Variants in CXorf58 observed in about 807,000 individuals in gnomAD.
CXorf58 encodes uncharacterized protein CXorf58.
A neutral mutation model predicts 26.0 loss-of-function variants in CXorf58; 24 were observed. That is an observed-to-expected ratio of 0.92 (90% CI 0.67 to 1.30). The LOEUF (loss-of-function observed/expected upper bound fraction) is 1.30. Among genes scored for constraint, CXorf58 ranks in the 50% most tolerant of loss-of-function variants. The probability of loss-of-function intolerance (pLI) is 0.00; values close to 1 mark genes in which losing one functional copy is unlikely to be tolerated. For synonymous variants in CXorf58, 87 were observed against 86.1 expected, an observed-to-expected ratio of 1.01 and a Z score of -0.06; for missense variants, 236 against 263.9, an observed-to-expected ratio of 0.89 and a Z score of 0.73.
chrX:23,939,259 C>T lies in CXorf58; in HGVS notation c.955C>T (p.Pro319Ser). ...TSEVTEPKTGPSGTKDNYHLH... is the reference protein window; with the variant it reads ...TSEVTEPKTGSSGTKDNYHLH... ...TTCTGCCTAGGAACCAAAAACGGGC[C>T]CATCAGGTACAAAGGATAACTATCA... is the stretch of plus-strand genomic sequence containing the variant. The change falls in exon 9 of 9, where the codon CCA (proline) becomes TCA (serine). Residue 319 changes from proline to serine, a missense_variant. Transcript: ENST00000379211. 2 of 1,193,701 alleles carry T rather than the reference C, an allele frequency of 1.7e-6. No homozygotes were observed. The highest frequency in any genetic ancestry group is 2.3e-6 in the Non-Finnish European group (2 of 883,748).
chrX:23,936,844 T>C (rs1178761748), intron 7 of CXorf58, among the ~76,000 whole-genome samples: 1 of 111,704 alleles, frequency 9.0e-6, no homozygotes, highest in Non-Finnish European at 1.9e-5. Flanking sequence ...ATGAAATAGA[T>C]TTTCTCTAAC....
Position 23,915,770 on chromosome X carries a change from C to A in CXorf58, c.287C>A (p.Thr96Asn). 2 of 1,168,393 alleles carry A rather than the reference C, an allele frequency of 1.7e-6. No homozygotes were observed. Among genetic ancestry groups the A allele is most frequent in the Non-Finnish European group, 2.3e-6 (2 of 857,548 alleles). Residue 96 changes from threonine (T) to asparagine (N), a missense_variant, in exon 4 of 9, where the codon ACT becomes AAT. Physicochemically the swap from Thr to Asn is moderately conservative, Grantham distance 65. Coordinates refer to ENST00000379211, the MANE Select transcript of CXorf58 (RefSeq NM_152761.3). ...PLEAKLIKDPTMQCKIRFRFR... is the reference protein window; with the variant it reads ...PLEAKLIKDPNMQCKIRFRFR... ...GAGGCTAAGCTTATTAAGGATCCTA[C>A]TATGCAGTGTAAAATTAGATTCAGG...
intron 8 of CXorf58, 30 bp from the exon 9 acceptor site, chrX:23,939,214 C>T: frequency 2.8e-6 from 3 of 1,070,066 alleles, no homozygotes; most frequent in Non-Finnish European, 3.9e-6. Flanking sequence ...ATATATAACA[C>T]TTCCTACTTT....
At chrX:23,929,371 A>T (rs189748046) in intron 6 of CXorf58, among the ~76,000 whole-genome samples, 1 of 101,180 alleles carries the variant, frequency 9.9e-6, no homozygotes, top group African/African-American at 3.8e-5. Context: ...GCGCCACTGC[A>T]CTCCAGTCTG....
rs867834790 is a variant in CXorf58, at chrX:23,938,381, G to A, written c.786-166G>A. 2.2e-4 allele frequency among the ~76,000 whole-genome samples: 25 copies of A among 111,678 alleles called. No homozygotes were observed. In the Middle Eastern group the frequency reaches 0.014, roughly 62 times the overall value. On this transcript the variant is annotated intron_variant, in intron 7 of 8. Coordinates refer to ENST00000379211, the MANE Select transcript of CXorf58 (RefSeq NM_152761.3). ...AAAGAACTGTGCTATGTAAACTCAA[G>A]CAGAAATGATAACTTTAACCTAAAA...
At position 23,920,747 on chromosome X, in the gene CXorf58, C is replaced by T. The variant is rs139055071; in HGVS notation, c.423+4419C>T. Among the ~76,000 whole-genome samples the T allele has an allele frequency of 9.5e-4, 104 of 109,227 alleles. 1 individual carries two copies. In the East Asian group the frequency reaches 0.026, roughly 27 times the overall value. The allele number at this position is 109,227 out of a possible 115,157, so 94.9% of individuals were successfully genotyped here. On this transcript the variant is annotated intron_variant, in intron 5 of 8. Transcript: ENST00000379211. ...TTTCTACCTAAAATACAAAATTAGCCGGGTGTGGTGGTGGGCGCCTGTAAT... is the reference window on the plus strand; with the variant it reads ...TTTCTACCTAAAATACAAAATTAGCTGGGTGTGGTGGTGGGCGCCTGTAAT...
intron 6 of CXorf58, among the ~76,000 whole-genome samples, chrX:23,928,211 G>A (rs998356942): frequency 1.7e-4 from 18 of 108,478 alleles, no homozygotes; most frequent in Non-Finnish European, 2.7e-4. Context: ...ACAGAGTTTC[G>A]TTCTTGTCGC....
chrX:23,927,663 G>C (rs1171802524), intron 6 of CXorf58, among the ~76,000 whole-genome samples: 5 of 110,171 alleles, frequency 4.5e-5, no homozygotes, highest in Non-Finnish European at 9.5e-5. Flanking sequence ...TCGTGTCAAG[G>C]GGGTTTGTTG....
chrX:23,910,215 T>C, intron 1 of CXorf58, 68 bp from the exon 2 acceptor site: 1 of 498,779 alleles, frequency 2.0e-6, no homozygotes, highest in Non-Finnish European at 3.3e-6. Context: ...CATATGGCAC[T>C]TGAGTCTTGT....
intron 5 of CXorf58, among the ~76,000 whole-genome samples, chrX:23,926,476 T>C (rs1388395152): frequency 8.9e-6 from 1 of 111,815 alleles, no homozygotes; most frequent in Non-Finnish European, 1.9e-5. Context: ...CATACATGTT[T>C]CCACTTACCA....
chrX:23,930,693 C>T (rs1434541917), intron 6 of CXorf58, among the ~76,000 whole-genome samples: 1 of 110,638 alleles, frequency 9.0e-6, no homozygotes, highest in African/African-American at 3.3e-5. Flanking sequence ...GTAAGACTCT[C>T]TACCAGCAAA....
At chrX:23,928,210 C>T (rs1928066221) in intron 6 of CXorf58, among the ~76,000 whole-genome samples, 1 of 108,541 alleles carries the variant, frequency 9.2e-6, no homozygotes, top group African/African-American at 3.4e-5. Flanking sequence ...GACAGAGTTT[C>T]GTTCTTGTCG....
At chrX:23,925,015 A>G (rs1156898323) in intron 5 of CXorf58, among the ~76,000 whole-genome samples, 9 of 111,612 alleles carry the variant, frequency 8.1e-5, no homozygotes, top group Non-Finnish European at 1.9e-5. Flanking sequence ...CTGGAAAAAA[A>G]AGAAGAAATT....
At chrX:23,911,952 TC>T (rs374366516) in intron 3 of CXorf58, 96 bp downstream of exon 3, 5 of 526,960 alleles carry the variant, frequency 9.5e-6, no homozygotes, top group Admixed American at 3.7e-5. Context: ...CTTTATCTCC[TC>T]TTTTTTTTTT....
intron 3 of CXorf58, among the ~76,000 whole-genome samples, chrX:23,914,774 A>C (rs970203804): frequency 2.7e-5 from 3 of 110,557 alleles, no homozygotes; most frequent in African/African-American, 9.9e-5. Flanking sequence ...AATTCCAGCT[A>C]CTCAGGAGGC....
At chrX:23,911,624 A>AT (rs1927581208) in intron 2 of CXorf58, 133 bp from the exon 3 acceptor site, 1 of 394,227 alleles carries the variant, frequency 2.5e-6, no homozygotes, top group African/African-American at 2.7e-5. Flanking sequence ...CCACATCCAA[A>AT]TGTTCCTCAT....
intron 3 of CXorf58, among the ~76,000 whole-genome samples, chrX:23,913,226 G>A (rs1927629836): frequency 9.0e-6 from 1 of 110,625 alleles, no homozygotes; most frequent in Non-Finnish European, 1.9e-5. Flanking sequence ...TGTTGCCCAG[G>A]CTGGAGTGCA....
chrX:23,914,646 G>C (rs752764861), intron 3 of CXorf58, among the ~76,000 whole-genome samples: 24 of 111,662 alleles, frequency 2.1e-4, no homozygotes, highest in South Asian at 7.6e-4. Context: ...AGCACTTTGG[G>C]AGGCTGAGGC....
chrX:23,926,042 G>A lies in CXorf58; in HGVS notation c.424-1197G>A, dbSNP rs1358134862. ...GACCTCAGGTGATCCACCTGCATCG[G>A]CCTCCCAAAGTGCTGGAATTACAGG... On this transcript the variant is annotated intron_variant, in intron 5 of 8. Transcript: ENST00000379211. 5.5e-5 allele frequency among the ~76,000 whole-genome samples: 6 copies of A among 109,966 alleles called. No individual in the cohort carries two copies. In the East Asian group the frequency reaches 1.4e-3, roughly 26 times the overall value.
Sources: allele counts gnomAD v4.1 joint callset (sites outside exome capture counted in the v4.1 genomes callset), GRCh38; gene constraint gnomAD v4.1.1; transcripts MANE v1.5; gene names NCBI Gene and HGNC (gene_info 2026-07-23, HGNC 2026-07-21).